SESTD1: variants seen among roughly 807,000 people sequenced by gnomAD.
SESTD1 encodes the protein SEC14 domain and spectrin repeat-containing protein 1.
Under a neutral mutation model 101.7 loss-of-function variants are expected in SESTD1, and 43 were observed. The ratio of observed to expected loss-of-function variants is 0.42; its 90% CI spans 0.33 to 0.55. SESTD1 has a LOEUF of 0.55. Among genes scored for constraint, SESTD1 ranks in the 20% least tolerant of loss-of-function variants. SESTD1 has a pLI of 0.07. For missense variants in SESTD1, 647 were observed against 815.1 expected, an observed-to-expected ratio of 0.79 and a Z score of 2.51; for synonymous variants, 283 against 286.8, an observed-to-expected ratio of 0.99 and a Z score of 0.13.
intron 16 of SESTD1, among the ~76,000 whole-genome samples, chr2:179,114,773 C>T (rs943519341): frequency 5.3e-5 from 8 of 152,094 alleles, no homozygotes; most frequent in Admixed American, 6.5e-5. Flanking sequence ...CTCTAAAGAA[C>T]AGAGGGCATA....
At position 179,151,315 on chromosome 2, in the gene SESTD1, A is replaced by T; in HGVS notation, c.446T>A (p.Leu149His). 1 of 1,608,800 alleles carries T rather than the reference A, an allele frequency of 6.2e-7. No homozygotes were observed. The highest frequency in any genetic ancestry group is 1.1e-5 in the South Asian group (1 of 89,822). The change falls in exon 6 of 18, where the codon CTC (leucine) becomes CAC (histidine). Residue 149 changes from leucine to histidine, a missense_variant. Coordinates refer to ENST00000428443, the MANE Select transcript of SESTD1 (RefSeq NM_178123.5). Reference protein sequence around the residue: ...CQLTEDFGGSLTYDHMDWLNK... With the variant: ...CQLTEDFGGSHTYDHMDWLNK... Reference sequence around the variant, plus strand: ...TAACCAGTCCATGTGATCATAGGTGAGACTCCCACCAAAATCTTCTGTTAA... The same window carrying T: ...TAACCAGTCCATGTGATCATAGGTGTGACTCCCACCAAAATCTTCTGTTAA...
chr2:179,112,634 T>C, intron 17 of SESTD1, 90 bp downstream of exon 17: 2 of 1,434,416 alleles, frequency 1.4e-6, no homozygotes, highest in Admixed American at 2.5e-5. Context: ...CTAATTTACT[T>C]GGCTTTTTAA....
At chr2:179,244,626 C>A (rs1222729137) in intron 1 of SESTD1, among the ~76,000 whole-genome samples, 1 of 151,936 alleles carries the variant, frequency 6.6e-6, no homozygotes, top group Non-Finnish European at 1.5e-5. Flanking sequence ...AAAAACTAAG[C>A]AAAACTTTTT....
intron 9 of SESTD1, among the ~76,000 whole-genome samples, chr2:179,133,385 C>G (rs1315703344): frequency 6.6e-6 from 1 of 152,100 alleles, no homozygotes; most frequent in African/African-American, 2.4e-5. Context: ...ACGTAGTTGA[C>G]ATTCCAATTT....
intron 10 of SESTD1, among the ~76,000 whole-genome samples, chr2:179,126,198 C>CT (rs1312819018): frequency 2.0e-5 from 3 of 152,042 alleles, no homozygotes; most frequent in Admixed American, 2.0e-4. Context: ...ATTTTTCATT[C>CT]TTTTTTTAAT....
At chr2:179,147,175 C>G (rs2045413875) in intron 7 of SESTD1, among the ~76,000 whole-genome samples, 1 of 151,472 alleles carries the variant, frequency 6.6e-6, no homozygotes, top group East Asian at 1.9e-4. Context: ...AAACAGACAG[C>G]TGATAAAAAT....
At chr2:179,244,694 G>A (rs1032589972) in intron 1 of SESTD1, among the ~76,000 whole-genome samples, 1 of 152,058 alleles carries the variant, frequency 6.6e-6, no homozygotes, top group Non-Finnish European at 1.5e-5. Context: ...GAAAGATAAT[G>A]GTAAAAGAGG....
intron 5 of SESTD1, among the ~76,000 whole-genome samples, chr2:179,161,012 A>G (rs892675268): frequency 2.0e-5 from 3 of 151,800 alleles, no homozygotes; most frequent in African/African-American, 7.3e-5. Flanking sequence ...CTTCAGCTCA[A>G]GTGATCCTCC....
At chr2:179,161,586 C>T (rs1043849616) in intron 5 of SESTD1, among the ~76,000 whole-genome samples, 18 of 150,726 alleles carry the variant, frequency 1.2e-4, no homozygotes, top group Non-Finnish European at 2.4e-4. Flanking sequence ...CGCTTGAACC[C>T]GGGAGGTGGA....
chr2:179,165,027 C>T (rs1180775253), intron 5 of SESTD1, among the ~76,000 whole-genome samples: 2 of 152,018 alleles, frequency 1.3e-5, no homozygotes, highest in African/African-American at 2.4e-5. Context: ...TGCAATTAAA[C>T]GAGCATCTAT....
intron 5 of SESTD1, among the ~76,000 whole-genome samples, chr2:179,164,336 G>T (rs950597042): frequency 6.6e-6 from 1 of 152,178 alleles, no homozygotes; most frequent in Non-Finnish European, 1.5e-5. Flanking sequence ...TAACAGGTAA[G>T]AGAATAAAGC....
chr2:179,223,408 A>T (rs1347512286), intron 1 of SESTD1, among the ~76,000 whole-genome samples: 1 of 152,202 alleles, frequency 6.6e-6, no homozygotes, highest in African/African-American at 2.4e-5. Context: ...TATAATTAAA[A>T]TAGGTGAAAT....
intron 2 of SESTD1, among the ~76,000 whole-genome samples, chr2:179,189,419 T>G (rs2046286394): frequency 6.6e-6 from 1 of 152,012 alleles, no homozygotes; most frequent in Non-Finnish European, 1.5e-5. Context: ...GAAATACATC[T>G]CAAAATAATA....
chr2:179,202,930 G>T (rs1429480651), intron 1 of SESTD1, among the ~76,000 whole-genome samples: 2 of 134,410 alleles, frequency 1.5e-5, no homozygotes, highest in African/African-American at 5.9e-5. Flanking sequence ...ACAACCATAG[G>T]TAGGGCCTAC....
chr2:179,228,119 G>A (rs2105534460), intron 1 of SESTD1, among the ~76,000 whole-genome samples: 1 of 152,250 alleles, frequency 6.6e-6, no homozygotes, highest in African/African-American at 2.4e-5. Flanking sequence ...AATAATCTAT[G>A]TATAGTCCCC....
intron 10 of SESTD1, among the ~76,000 whole-genome samples, chr2:179,127,794 A>G (rs1445649357): frequency 1.3e-5 from 2 of 152,232 alleles, no homozygotes; most frequent in East Asian, 3.8e-4. Flanking sequence ...AATAACAAGC[A>G]TAGAATATTT....
intron 1 of SESTD1, 41 bp downstream of exon 1, chr2:179,264,458 G>C (rs997951289): frequency 4.0e-5 from 6 of 150,528 alleles, no homozygotes; most frequent in African/African-American, 7.3e-5. Flanking sequence ...CGCGGGGCCT[G>C]CGCGCTTCTC....
intron 1 of SESTD1, among the ~76,000 whole-genome samples, chr2:179,259,535 T>C (rs1194110183): frequency 6.6e-6 from 1 of 152,096 alleles, no homozygotes; most frequent in African/African-American, 2.4e-5. Context: ...GCCTTAGTTC[T>C]CTAGCTTTTT....
At chr2:179,122,284 G>T (rs1332557028) in intron 12 of SESTD1, among the ~76,000 whole-genome samples, 1 of 152,054 alleles carries the variant, frequency 6.6e-6, no homozygotes, top group Non-Finnish European at 1.5e-5. Context: ...CTGCTTTTAT[G>T]CTGTCCAACT....
Sources: allele counts gnomAD v4.1 joint callset (sites outside exome capture counted in the v4.1 genomes callset), GRCh38; gene constraint gnomAD v4.1.1; transcripts MANE v1.5; gene names NCBI Gene and HGNC (gene_info 2026-07-23, HGNC 2026-07-21).